Variants in ASAH1 observed in about 807,000 individuals in gnomAD.
ASAH1 encodes N-acylsphingosine amidohydrolase 1, also known as acid ceramidase.
A neutral mutation model predicts 59.5 loss-of-function variants in ASAH1; 70 were observed. The observed-to-expected ratio is 1.18, with a 90% CI of 0.97 to 1.43. The LOEUF is 1.43. ASAH1 is among the 40% of genes most tolerant of loss of function. ASAH1 has a pLI of 0.00. For synonymous variants in ASAH1, 213 were observed against 166.5 expected (o/e 1.28, Z -2.15); for missense variants, 660 against 482.5 (o/e 1.37, Z -3.45).
intron 10 of ASAH1, 81 bp from the exon 11 acceptor site, chr8:18,059,784 T>G (rs1438435569): frequency 7.1e-7 from 1 of 1,405,370 alleles, no homozygotes; most frequent in Non-Finnish European, 9.7e-7. Context: ...AAATTTTACT[T>G]TAAGTTCTGG....
At chr8:18,063,447 A>C in intron 6 of ASAH1, 1 of 498,510 alleles carries the variant, frequency 2.0e-6, no homozygotes, top group Non-Finnish European at 3.5e-6. Flanking sequence ...GGGATTACAG[A>C]CATGTGCGAC....
upstream of ASAH1, chr8:18,084,295 G>C: frequency 7.0e-7 from 1 of 1,433,716 alleles, no homozygotes; most frequent in Non-Finnish European, 9.1e-7. Context: ...ACCTGCAGAA[G>C]GAGAGTCGCG....
At chr8:18,061,956 T>C (rs1682312206) in intron 8 of ASAH1, 1 of 635,862 alleles carries the variant, frequency 1.6e-6, no homozygotes, top group South Asian at 1.9e-5. Flanking sequence ...CAACGCTTTT[T>C]GGACAGGAAA....
chr8:18,064,785 C>G (rs1799863539), intron 5 of ASAH1: 1 of 431,644 alleles, frequency 2.3e-6, no homozygotes, highest in Non-Finnish European at 4.1e-6. Flanking sequence ...TCTCCAACAT[C>G]ACATCCAAAA....
intron 8 of ASAH1, 194 bp from the exon 9 acceptor site, chr8:18,061,934 G>A: frequency 1.5e-6 from 1 of 654,046 alleles, no homozygotes; most frequent in South Asian, 1.8e-5. Context: ...TAAGTAGGTG[G>A]GGTATCACTG....
chr8:18,064,577 T>A, intron 5 of ASAH1, 46 bp from the exon 6 acceptor site: 1 of 1,092,204 alleles, frequency 9.2e-7, no homozygotes, highest in Non-Finnish European at 1.4e-6. Context: ...ACCATGACAA[T>A]GGGAGAAAAA....
In ASAH1 at chr8:18,067,364, T is replaced by C. The variant is rs866715380; in HGVS notation, c.304-66A>G. ...ACAATAAAAAATATATAATATAATATAAACAAATATAATAAAAGCATGCTT... is the reference window on the plus strand; with the variant it reads ...ACAATAAAAAATATATAATATAATACAAACAAATATAATAAAAGCATGCTT... On this transcript the variant is annotated intron_variant, in intron 4 of 13. Coordinates refer to ENST00000637790, the MANE Select transcript of ASAH1 (RefSeq NM_177924.5). 1.8e-5 allele frequency: 17 copies of C among 964,436 alleles called. 1 individual carries two copies. The highest frequency in any genetic ancestry group is 6.9e-6 in the Non-Finnish European group (5 of 724,292). The allele number at this position is 964,436 out of a possible 1,614,324, so 59.7% of individuals were successfully genotyped here.
rs147233112 is a variant in ASAH1, at chr8:18,059,378, G to A, written c.1004C>T (p.Thr335Met). The change falls in exon 12 of 14, where the codon ACG becomes ATG. Residue 335 changes from threonine to methionine, a missense_variant. Transcript: ENST00000637790. ...KHPFFLDDRR[T>M]PAKMCLNRTS... ...GCGGTTCAGACACATCTTTGCAGGC[G>A]TTCTGCGATCATCAAGGAAGAAGGG... 1.1e-3 allele frequency: 1,753 copies of A among 1,614,174 alleles called. 1 individual carries two copies. The highest frequency in any genetic ancestry group is 3.6e-3 in the African/African-American group (267 of 75,044).
At chr8:18,084,161 T>C, upstream of ASAH1, 2 of 1,557,256 alleles carry the variant, frequency 1.3e-6, no homozygotes, top group Admixed American at 3.7e-5. Context: ...ACCCGCGACC[T>C]GGGACCGCAC....
intron 13 of ASAH1, chr8:18,058,112 A>C (rs431719): frequency 0.21 from 31,676 of 153,472 alleles, 5,784 homozygotes; most frequent in African/African-American, 0.47. Flanking sequence ...CACAAGGCAC[A>C]CACCCAAACA....
Position 18,083,964 on chromosome 8 carries a change from G to T in ASAH1, c.78+17C>A. On this transcript the variant is annotated intron_variant, in intron 1 of 13. Transcript: ENST00000637790. ...ACCTGCACGCCCCTCTCTGCGCCTC[G>T]GCTCAAGCTCACTCACCGGCGGCGC... The T allele has an allele frequency of 1.3e-6, 2 of 1,596,418 alleles. No individual in the cohort carries two copies. The highest frequency in any genetic ancestry group is 1.7e-6 in the Non-Finnish European group (2 of 1,178,802).
Position 18,057,458 on chromosome 8 carries a change from A to T in ASAH1, c.*76T>A. 2 of 1,185,164 alleles carry T rather than the reference A, an allele frequency of 1.7e-6. No homozygotes were observed. Among genetic ancestry groups the T allele is most frequent in the Non-Finnish European group, 2.5e-6 (2 of 812,674 alleles). The allele number at this position is 1,185,164 out of a possible 1,614,324, so 73.4% of individuals were successfully genotyped here. On this transcript the variant is annotated 3_prime_UTR_variant, in exon 14 of 14. Coordinates refer to ENST00000637790, the MANE Select transcript of ASAH1 (RefSeq NM_177924.5). ...CGAGTCTTAGTCTTTGGAAGGTCAG[A>T]CAGCTGCAGTGTTCGGTCACATGGA...
At chr8:18,063,147 C>A (rs769350260) in intron 7 of ASAH1, 38 bp downstream of exon 7, 1 of 1,604,508 alleles carries the variant, frequency 6.2e-7, no homozygotes, top group South Asian at 1.1e-5. Context: ...GGATTACAGG[C>A]GTGAACCACC....
intron 2 of ASAH1, among the ~76,000 whole-genome samples, chr8:18,075,076 A>G (rs190972797): frequency 0.011 from 1,650 of 147,538 alleles, 70 homozygotes; most frequent in Non-Finnish European, 0.018. Context: ...GCTCACTGCA[A>G]GCTCCGCCTC....
At chr8:18,067,176 G>C (rs149382664) in intron 5 of ASAH1, 44 bp downstream of exon 5, 235 of 1,259,706 alleles carry the variant, frequency 1.9e-4, no homozygotes, top group Non-Finnish European at 2.5e-4. Flanking sequence ...ACTTGTAAAA[G>C]AATTTAATTA....
chr8:18,084,324 C>A (rs1800801577), upstream of ASAH1: 4 of 1,421,338 alleles, frequency 2.8e-6, no homozygotes, highest in East Asian at 2.6e-5. Context: ...TGGCGCGTGG[C>A]GTGATCCATC....
At chr8:18,062,056 C>T (rs1421670986) in intron 8 of ASAH1, 2 of 649,190 alleles carry the variant, frequency 3.1e-6, no homozygotes, top group Non-Finnish European at 5.2e-6. Flanking sequence ...CCCTTGACAC[C>T]CAGCCACATG....
chr8:18,071,295 C>T lies in ASAH1; in HGVS notation c.216+5G>A. 1.3e-6 allele frequency: 2 copies of T among 1,524,654 alleles called. No homozygotes were observed. The highest frequency in any genetic ancestry group is 9.0e-7 in the Non-Finnish European group (1 of 1,105,200). 94.4% of individuals were successfully genotyped at this position (1,524,654 alleles called of 1,614,324 possible). On this transcript the variant is annotated splice_donor_5th_base_variant and intron_variant, in intron 3 of 13. Coordinates refer to ENST00000637790, the MANE Select transcript of ASAH1 (RefSeq NM_177924.5). ...GAAATAAAAGATTTAAGCATCATAGCATACCACTGGTGCCTTGTCAAGCAT... is the reference window on the plus strand; with the variant it reads ...GAAATAAAAGATTTAAGCATCATAGTATACCACTGGTGCCTTGTCAAGCAT...
chr8:18,075,590 G>T lies in ASAH1; in HGVS notation c.79-3C>A. The stretch of plus-strand genomic sequence containing the variant: ...GATTTTCTGCAGTCCTCTGTCCACT[G>T]AAAAGCAAAGAAAATTAAGTTTCAG... On this transcript the variant is annotated splice_region_variant and splice_polypyrimidine_tract_variant and intron_variant, in intron 1 of 13. Coordinates refer to ENST00000637790, the MANE Select transcript of ASAH1 (RefSeq NM_177924.5). The T allele has an allele frequency of 6.2e-7, 1 of 1,613,822 alleles. No homozygotes were observed. Among genetic ancestry groups the T allele is most frequent in the South Asian group, 1.1e-5 (1 of 91,050 alleles).
Sources: allele counts gnomAD v4.1 joint callset (sites outside exome capture counted in the v4.1 genomes callset), GRCh38; gene constraint gnomAD v4.1.1; transcripts MANE v1.5; gene names NCBI Gene and HGNC (gene_info 2026-07-23, HGNC 2026-07-21).